Variants in CACHD1 observed in about 807,000 individuals in gnomAD.
CACHD1 encodes the protein VWFA and cache domain-containing protein 1.
In CACHD1, 71 loss-of-function variants were observed where a neutral mutation model predicts 138.7. That is an observed-to-expected ratio of 0.51 (90% CI 0.42 to 0.62). The LOEUF (loss-of-function observed/expected upper bound fraction) is 0.62, where lower values mean the gene tolerates loss of function less well. CACHD1 is among the 20% of genes least tolerant of loss of function. The pLI, the probability that CACHD1 is intolerant of heterozygous loss-of-function variation, is 0.00. For missense variants in CACHD1, 1,389 were observed against 1,625.3 expected (o/e 0.85, Z 2.50); for synonymous variants, 578 against 591.5 (o/e 0.98, Z 0.33).
At chr1:64,493,411 G>A (rs1279585234) in intron 1 of CACHD1, among the ~76,000 whole-genome samples, 1 of 152,172 alleles carries the variant, frequency 6.6e-6, no homozygotes, top group East Asian at 1.9e-4. Context: ...TACCTATTTT[G>A]AGAAAATGCA....
chr1:64,505,847 T>G, intron 1 of CACHD1: 1 of 100,506 alleles, frequency 9.9e-6, no homozygotes, highest in African/African-American at 4.6e-5. Context: ...TTCCCCGGCC[T>G]CGCCCCGCCC....
At position 64,648,028 on chromosome 1, in the gene CACHD1, G is replaced by A; in HGVS notation, c.1384G>A (p.Gly462Arg). The stretch of plus-strand genomic sequence containing the variant: ...CAGCCTGCCCTTCTCTGATGAGATG[G>A]GAGATGGTGAGTTTGGATAAACGTC... ...VFSLPFSDEM[G>R]DGLIMTVSKP... The change falls in exon 9 of 27, where the codon GGA (glycine) becomes AGA (arginine). Residue 462 changes from glycine (G) to arginine (R), a missense_variant. By Grantham distance (125) the Gly-to-Arg change is moderately radical. Transcript: ENST00000651257. 3 of 1,610,876 alleles carry A rather than the reference G, an allele frequency of 1.9e-6. No individual in the cohort carries two copies. Among genetic ancestry groups the A allele is most frequent in the Non-Finnish European group, 2.5e-6 (3 of 1,178,102 alleles).
chr1:64,567,729 T>C (rs1557497164), intron 2 of CACHD1, among the ~76,000 whole-genome samples: 1 of 152,250 alleles, frequency 6.6e-6, no homozygotes, highest in Non-Finnish European at 1.5e-5. Flanking sequence ...CAAATTCATC[T>C]GTACGTTTTC....
In CACHD1 at chr1:64,667,752, A is replaced by T. The variant is rs116133019; in HGVS notation, c.2387+1585A>T. ...GCTGTTAAAGATGTTGTTATAGTGC[A>T]GGGAATCAAAACCCAGGTGTGCCTT... On this transcript the variant is annotated intron_variant, in intron 16 of 26. Transcript: ENST00000651257. 3.4e-3 allele frequency among the ~76,000 whole-genome samples: 520 copies of T among 152,346 alleles called. 1 individual carries two copies. Among genetic ancestry groups the T allele is most frequent in the Middle Eastern group, 6.8e-3 (2 of 294 alleles).
At chr1:64,677,990 C>T (rs1010639095) in intron 22 of CACHD1, among the ~76,000 whole-genome samples, 169 bp from the exon 23 acceptor site, 1 of 152,122 alleles carries the variant, frequency 6.6e-6, no homozygotes, top group Non-Finnish European at 1.5e-5. Context: ...AGTTATTTCC[C>T]TGGCAGTCTA....
Position 64,574,877 on chromosome 1 carries a change from A to G in CACHD1, c.262-7279A>G, listed in dbSNP as rs140478612. On this transcript the variant is annotated intron_variant, in intron 2 of 26. Transcript: ENST00000651257. ...TTCTTTGACTACAGCCCTCTGTGCC[A>G]TTTTGCTTTTAATCTAAGAAAAAAT... Among the ~76,000 whole-genome samples, 34 of 152,232 alleles carry G rather than the reference A, an allele frequency of 2.2e-4. No individual in the cohort carries two copies. The East Asian group carries it at 5.6e-3, about 25-fold the overall frequency.
chr1:64,505,861 C>G (rs1179993995), intron 1 of CACHD1: 1 of 142,056 alleles, frequency 7.0e-6, no homozygotes, highest in Non-Finnish European at 1.5e-5. Context: ...CCCGCCCCGC[C>G]CCGCCCCGCC....
chr1:64,605,751 C>T (rs1039345560), intron 4 of CACHD1, among the ~76,000 whole-genome samples: 1 of 151,978 alleles, frequency 6.6e-6, no homozygotes, highest in Admixed American at 6.6e-5. Context: ...GCAGCCAGGG[C>T]CTCATCCTCA....
chr1:64,651,395 G>A (rs1480541177), intron 9 of CACHD1, among the ~76,000 whole-genome samples: 1 of 151,984 alleles, frequency 6.6e-6, no homozygotes, highest in Non-Finnish European at 1.5e-5. Flanking sequence ...ATGCATTAAT[G>A]GGGTATAGTA....
At chr1:64,681,557 T>C (rs575468624) in intron 25 of CACHD1, among the ~76,000 whole-genome samples, 1 of 138,284 alleles carries the variant, frequency 7.2e-6, no homozygotes, top group Non-Finnish European at 1.6e-5. Flanking sequence ...TTTTTTTTTT[T>C]TTTTTTTGCA....
rs377057686 is a variant in CACHD1, at chr1:64,671,276, T to C, written c.2388-288T>C. Among the ~76,000 whole-genome samples the C allele has an allele frequency of 9.9e-4, 150 of 152,248 alleles. No homozygotes were observed. The Middle Eastern group carries it at 0.017, about 17-fold the overall frequency. ...CTCCCACCTGATGCCTCTGTGCCCA[T>C]ATTTTTGTCAGTCGAGCCACTCTCT... On this transcript the variant is annotated intron_variant, in intron 16 of 26. Transcript: ENST00000651257.
In CACHD1 at chr1:64,573,103, T is replaced by C. The variant is rs537693251; in HGVS notation, c.262-9053T>C. Among the ~76,000 whole-genome samples the C allele has an allele frequency of 6.6e-5, 10 of 152,228 alleles. No individual in the cohort carries two copies. In the East Asian group the frequency reaches 1.7e-3, roughly 26 times the overall value. ...TTGGGGGCAAGTATGGACTGAATGTTTGTGTCTTCCCCAAATTCATATGCT... is the reference window on the plus strand; with the variant it reads ...TTGGGGGCAAGTATGGACTGAATGTCTGTGTCTTCCCCAAATTCATATGCT... On this transcript the variant is annotated intron_variant, in intron 2 of 26. Transcript: ENST00000651257.
At chr1:64,617,900 G>A (rs1182533702) in intron 4 of CACHD1, among the ~76,000 whole-genome samples, 2 of 152,140 alleles carry the variant, frequency 1.3e-5, no homozygotes, top group Non-Finnish European at 2.9e-5. Context: ...CTAACATGGT[G>A]AAACCCCATT....
chr1:64,592,366 A>G (rs145095874), intron 3 of CACHD1, among the ~76,000 whole-genome samples: 4 of 152,368 alleles, frequency 2.6e-5, no homozygotes, highest in African/African-American at 9.6e-5. Context: ...ATAACACAGT[A>G]TGTACCTCCA....
chr1:64,599,782 C>CA (rs781572698), intron 3 of CACHD1, among the ~76,000 whole-genome samples: 1 of 152,104 alleles, frequency 6.6e-6, no homozygotes, highest in Non-Finnish European at 1.5e-5. Context: ...CACGAGCCAG[C>CA]CTGCATTTCA....
intron 7 of CACHD1, among the ~76,000 whole-genome samples, chr1:64,640,477 A>ACCAG (rs1393853927): frequency 6.6e-6 from 1 of 152,146 alleles, no homozygotes; most frequent in African/African-American, 2.4e-5. Context: ...GGAGTTCAAG[A>ACCAG]CCAGCCTGGC....
intron 1 of CACHD1, among the ~76,000 whole-genome samples, chr1:64,476,895 G>A (rs1385286508): frequency 6.6e-6 from 1 of 152,196 alleles, no homozygotes; most frequent in Non-Finnish European, 1.5e-5. Flanking sequence ...AAGTGGATGA[G>A]CAGGCAGGAA....
intron 1 of CACHD1, among the ~76,000 whole-genome samples, chr1:64,479,804 T>C (rs977586478): frequency 2.6e-5 from 4 of 152,214 alleles, no homozygotes; most frequent in African/African-American, 9.7e-5. Flanking sequence ...TATTTCAATA[T>C]GGCTGGCAGT....
Position 64,653,869 on chromosome 1 carries a change from A to C in CACHD1, c.1652A>C (p.Gln551Pro), listed in dbSNP as rs922805014. ...ATTCCAAAATTTGAATTAGTTCGGC[A>C]AAATATCCTAAGGTAAGGAAAAGGT... ...ENIPKFELVR[Q>P]NILSLPLGSQ... The change falls in exon 11 of 27, where the codon CAA (glutamine) becomes CCA (proline). Residue 551 changes from glutamine to proline, a missense_variant. By Grantham distance (76) the Gln-to-Pro change is moderately conservative (BLOSUM62 -1). This residue lies in a region of CACHD1 where 1,000 missense variants were observed against 1,114.7 expected (regional missense o/e 0.90). Transcript: ENST00000651257. 8 of 1,613,012 alleles carry C rather than the reference A, an allele frequency of 5.0e-6. No homozygotes were observed. Among genetic ancestry groups the C allele is most frequent in the Non-Finnish European group, 6.8e-6 (8 of 1,179,546 alleles).
Sources: allele counts gnomAD v4.1 joint callset (sites outside exome capture counted in the v4.1 genomes callset), GRCh38; gene constraint gnomAD v4.1.1; regional missense constraint gnomAD v4.1.1; transcripts MANE v1.5; gene names NCBI Gene and HGNC (gene_info 2026-07-23, HGNC 2026-07-21).